Variants in PALM2AKAP2 observed in about 807,000 individuals in gnomAD.
The protein encoded by PALM2AKAP2 is PALM2 and AKAP2 fusion.
In PALM2AKAP2, 37 loss-of-function variants were observed where a neutral mutation model predicts 71.5. That is an observed-to-expected ratio of 0.52 (90% CI 0.40 to 0.68). The LOEUF is 0.68. Ranked by LOEUF, PALM2AKAP2 falls within the 30% of genes least tolerant of loss-of-function variation. The pLI, the probability that PALM2AKAP2 is intolerant of heterozygous loss-of-function variation, is 0.00. For synonymous variants in PALM2AKAP2, 468 were observed against 478.8 expected (o/e 0.98, Z 0.29); for missense variants, 1,224 against 1,191.8 (o/e 1.03, Z -0.40).
chr9:109,676,459 C>T (rs1053794373), intron 1 of PALM2AKAP2, among the ~76,000 whole-genome samples: 1 of 152,136 alleles, frequency 6.6e-6, no homozygotes, highest in Non-Finnish European at 1.5e-5. Flanking sequence ...TTTGTATATA[C>T]TGTGTTTTAC....
At chr9:110,011,405 T>C (rs1297663178) in intron 6 of PALM2AKAP2, among the ~76,000 whole-genome samples, 1 of 152,106 alleles carries the variant, frequency 6.6e-6, no homozygotes, top group Non-Finnish European at 1.5e-5. Context: ...GTTGGTGCTA[T>C]AGTTATAAAC....
intron 2 of PALM2AKAP2, among the ~76,000 whole-genome samples, chr9:110,140,081 G>T (rs1320934885): frequency 1.3e-5 from 2 of 152,128 alleles, no homozygotes; most frequent in Non-Finnish European, 2.9e-5. Flanking sequence ...TATACATTTT[G>T]TAGGGCAATA....
chr9:110,113,118 A>C (rs1835286256), intron 1 of PALM2AKAP2, among the ~76,000 whole-genome samples: 1 of 152,186 alleles, frequency 6.6e-6, no homozygotes, highest in African/African-American at 2.4e-5. Flanking sequence ...GCAGTCGATA[A>C]GCCTGCAGCC....
chr9:110,160,642 T>G (rs1484533094), intron 3 of PALM2AKAP2, among the ~76,000 whole-genome samples: 1 of 152,206 alleles, frequency 6.6e-6, no homozygotes, highest in Non-Finnish European at 1.5e-5. Flanking sequence ...ATTGTTTCCC[T>G]AACCTGACCT....
intron 1 of PALM2AKAP2, among the ~76,000 whole-genome samples, chr9:109,655,055 C>T (rs1444117203): frequency 1.3e-5 from 2 of 151,910 alleles, no homozygotes; most frequent in African/African-American, 4.8e-5. Context: ...TTTGGGAGGC[C>T]GAGGCAGGTG....
chr9:109,656,212 G>C (rs756143542), intron 1 of PALM2AKAP2, among the ~76,000 whole-genome samples: 2 of 152,186 alleles, frequency 1.3e-5, no homozygotes, highest in African/African-American at 2.4e-5. Context: ...CCAGTGCGAA[G>C]CCTGAGCTAG....
At chr9:109,826,759 A>G (rs1344362757) in intron 1 of PALM2AKAP2, among the ~76,000 whole-genome samples, 1 of 152,124 alleles carries the variant, frequency 6.6e-6, no homozygotes, top group African/African-American at 2.4e-5. Context: ...TGGAGAGTGG[A>G]TGTGTCTGGC....
intron 3 of PALM2AKAP2, 75 bp from the exon 4 acceptor site, chr9:109,923,660 C>A (rs1830887173): frequency 6.8e-7 from 1 of 1,463,862 alleles, no homozygotes; most frequent in Non-Finnish European, 9.1e-7. Flanking sequence ...AATCGCCCAA[C>A]AGGAAGGAGC....
chr9:109,756,814 CT>C (rs1380932408), intron 1 of PALM2AKAP2, among the ~76,000 whole-genome samples: 3 of 152,064 alleles, frequency 2.0e-5, no homozygotes, highest in Non-Finnish European at 4.4e-5. Context: ...GCATGGTTAG[CT>C]TTTAGTAATT....
intron 3 of PALM2AKAP2, among the ~76,000 whole-genome samples, chr9:109,916,586 C>T (rs1830698120): frequency 6.6e-6 from 1 of 152,248 alleles, no homozygotes; most frequent in African/African-American, 2.4e-5. Context: ...CATGCTGTCT[C>T]CTCTGCCTGG....
chr9:109,774,027 G>T (rs552314694), intron 1 of PALM2AKAP2, among the ~76,000 whole-genome samples: 383 of 152,280 alleles, frequency 2.5e-3, no homozygotes, highest in Non-Finnish European at 4.5e-3. Flanking sequence ...GATTTAGTAG[G>T]CAGGCCACCA....
At chr9:109,775,103 A>G (rs1829329556) in intron 1 of PALM2AKAP2, among the ~76,000 whole-genome samples, 2 of 152,196 alleles carry the variant, frequency 1.3e-5, no homozygotes, top group South Asian at 4.2e-4. Context: ...CCATACTACC[A>G]CAACAAAATA....
At chr9:109,776,109 C>T (rs1027276403), upstream of PALM2AKAP2, among the ~76,000 whole-genome samples, 3 of 152,142 alleles carry the variant, frequency 2.0e-5, no homozygotes, top group African/African-American at 7.2e-5. Context: ...CACTAGACTA[C>T]GATTTTTTTT....
At chr9:109,948,145 G>A (rs543057988) in intron 6 of PALM2AKAP2, among the ~76,000 whole-genome samples, 20 of 152,242 alleles carry the variant, frequency 1.3e-4, no homozygotes, top group South Asian at 4.1e-4. Flanking sequence ...AAGAAAAGTC[G>A]TTTATTAGGA....
At chr9:109,830,979 C>T (rs1424069259) in intron 1 of PALM2AKAP2, among the ~76,000 whole-genome samples, 1 of 151,996 alleles carries the variant, frequency 6.6e-6, no homozygotes, top group Non-Finnish European at 1.5e-5. Context: ...ATTTAGGGGT[C>T]ATGCAACAGG....
intron 6 of PALM2AKAP2, among the ~76,000 whole-genome samples, chr9:109,981,149 C>T (rs981429441): frequency 6.6e-5 from 10 of 152,160 alleles, no homozygotes; most frequent in East Asian, 3.8e-4. Context: ...GTGTAGGATA[C>T]AGTAAAAAGT....
chr9:110,074,623 A>C lies in PALM2AKAP2; in HGVS notation c.156+25768A>C, dbSNP rs1462426425. On this transcript the variant is annotated intron_variant, in intron 1 of 3. Transcript: ENST00000374525. ...ATTATGTCTGCAAAAAGACTCCAATAGTTCACAAAAAAATTATAAACACAC... is the reference window on the plus strand; with the variant it reads ...ATTATGTCTGCAAAAAGACTCCAATCGTTCACAAAAAAATTATAAACACAC... 5.3e-5 allele frequency among the ~76,000 whole-genome samples: 8 copies of C among 152,216 alleles called. No homozygotes were observed. The East Asian group carries it at 1.5e-3, about 29-fold the overall frequency.
intron 1 of PALM2AKAP2, among the ~76,000 whole-genome samples, chr9:109,737,954 A>G (rs537577492): frequency 6.6e-6 from 1 of 152,252 alleles, no homozygotes; most frequent in Non-Finnish European, 1.5e-5. Flanking sequence ...CCTGACTAGC[A>G]TGGCTTTGAT....
At chr9:109,840,702 G>A (rs2131581735) in intron 1 of PALM2AKAP2, among the ~76,000 whole-genome samples, 1 of 152,308 alleles carries the variant, frequency 6.6e-6, no homozygotes, top group East Asian at 1.9e-4. Context: ...CAACACGTGG[G>A]CAAAGGATAT....
Sources: gnomAD v4.1 joint callset for allele counts (sites outside exome capture counted in the v4.1 genomes callset) on GRCh38, gnomAD v4.1.1 for gene constraint, MANE v1.5 for transcripts, NCBI Gene and HGNC (gene_info 2026-07-23, HGNC 2026-07-21) for gene names.